The following MED12L variants were observed in gnomAD, a reference collection of about 807,000 sequenced individuals.
MED12L encodes the protein mediator complex subunit 12L.
MED12L carries 60 observed loss-of-function variants against 281.3 expected under a neutral mutation model. The ratio of observed to expected loss-of-function variants is 0.21; its 90% CI spans 0.17 to 0.26. The LOEUF (loss-of-function observed/expected upper bound fraction) is 0.26, where lower values mean the gene tolerates loss of function less well. Among genes scored for constraint, MED12L ranks in the 10% least tolerant of loss-of-function variants. The pLI is 1.00. For missense variants in MED12L, 2,146 were observed against 2,680.9 expected, an observed-to-expected ratio of 0.80 and a Z score of 4.41; for synonymous variants, 974 against 987.2, an observed-to-expected ratio of 0.99 and a Z score of 0.25.
chr3:151,375,082 G>A (rs1756665641), intron 27 of MED12L, among the ~76,000 whole-genome samples: 2 of 152,232 alleles, frequency 1.3e-5, no homozygotes, highest in African/African-American at 2.4e-5. Context: ...AGGCAATTGT[G>A]TGTTGGTTCC....
intron 17 of MED12L, among the ~76,000 whole-genome samples, chr3:151,352,798 T>C (rs1480447540): frequency 2.6e-5 from 4 of 152,132 alleles, no homozygotes; most frequent in Non-Finnish European, 5.9e-5. Context: ...CTTTTGAAAA[T>C]ATTAGTGAAG....
chr3:151,335,232 C>A (rs1368398273), intron 16 of MED12L, among the ~76,000 whole-genome samples: 1 of 152,148 alleles, frequency 6.6e-6, no homozygotes, highest in Non-Finnish European at 1.5e-5. Flanking sequence ...TTCCTTCTCA[C>A]TAACTGTATT....
At chr3:151,121,664 T>G (rs1713774905) in intron 3 of MED12L, among the ~76,000 whole-genome samples, 1 of 152,296 alleles carries the variant, frequency 6.6e-6, no homozygotes, top group African/African-American at 2.4e-5. Context: ...TTTGATAGGA[T>G]TCTTGAAAAA....
In MED12L at chr3:151,156,350, C is replaced by T; in HGVS notation, c.726+20C>T. 1 of 1,584,208 alleles carries T rather than the reference C, an allele frequency of 6.3e-7. No homozygotes were observed. The highest frequency in any genetic ancestry group is 8.6e-7 in the Non-Finnish European group (1 of 1,165,222). On this transcript the variant is annotated intron_variant, in intron 6 of 44. Coordinates refer to ENST00000687756, the MANE Select transcript of MED12L (RefSeq NM_001393769.1). ...TTCCAGGTAACCTTTTGAAGACATG[C>T]AGAGTTGTGTGCAATGCTTTTAAGA...
intron 5 of MED12L, among the ~76,000 whole-genome samples, chr3:151,137,972 A>G (rs537953428): frequency 7.2e-5 from 11 of 152,172 alleles, no homozygotes; most frequent in Admixed American, 2.0e-4. Flanking sequence ...AGTCAAAACT[A>G]TATAAAGATG....
chr3:151,116,370 C>T lies in MED12L; in HGVS notation c.132C>T (p.Gly44=), dbSNP rs766789973. Residue 44 remains glycine (G), a synonymous_variant, in exon 3 of 45, where the codon GGC becomes GGT. Coordinates refer to ENST00000687756, the MANE Select transcript of MED12L (RefSeq NM_001393769.1). ...DELTAVNVKQ[G]FNNQPAFTGD... is the part of the protein sequence containing the mutation. Reference sequence around the variant, plus strand: ...TTACTGCTGTGAATGTAAAGCAAGGCTTCAATAATCAGCCAGCCTTCACTG... The same window carrying T: ...TTACTGCTGTGAATGTAAAGCAAGGTTTCAATAATCAGCCAGCCTTCACTG... The T allele has an allele frequency of 3.1e-5, 50 of 1,613,464 alleles. No homozygotes were observed. Among genetic ancestry groups the T allele is most frequent in the Non-Finnish European group, 4.0e-5 (47 of 1,179,648 alleles).
At chr3:151,321,714 T>C (rs1279433434) in intron 16 of MED12L, among the ~76,000 whole-genome samples, 1 of 152,240 alleles carries the variant, frequency 6.6e-6, no homozygotes. Context: ...GTTCACATGC[T>C]GAGTAAGTTA....
At chr3:151,423,855 C>CT (rs1718554006) in intron 43 of MED12L, among the ~76,000 whole-genome samples, 1 of 152,136 alleles carries the variant, frequency 6.6e-6, no homozygotes, top group Admixed American at 6.5e-5. Flanking sequence ...AAAAAATATG[C>CT]TAACAGAAAG....
chr3:151,357,201 C>A lies in MED12L; in HGVS notation c.2662-12C>A, dbSNP rs1407903672. 1 of 1,576,708 alleles carries A rather than the reference C, an allele frequency of 6.3e-7. No homozygotes were observed. Among genetic ancestry groups the A allele is most frequent in the East Asian group, 2.3e-5 (1 of 44,278 alleles). On this transcript the variant is annotated splice_polypyrimidine_tract_variant and intron_variant, in intron 19 of 44. Coordinates refer to ENST00000687756, the MANE Select transcript of MED12L (RefSeq NM_001393769.1). Reference sequence around the variant, plus strand: ...CACCTACATGTTTATTCAGTCTTTTCTCCTGTTACAGTTACTAAATGAACT... The same window carrying A: ...CACCTACATGTTTATTCAGTCTTTTATCCTGTTACAGTTACTAAATGAACT...
chr3:151,373,908 C>T (rs1577484082), intron 27 of MED12L, among the ~76,000 whole-genome samples: 1 of 152,112 alleles, frequency 6.6e-6, no homozygotes, highest in African/African-American at 2.4e-5. Context: ...TATGTATGCT[C>T]ATGGTTATGG....
chr3:151,429,890 T>G (rs189273191), intron 43 of MED12L, among the ~76,000 whole-genome samples: 49 of 152,340 alleles, frequency 3.2e-4, no homozygotes, highest in Admixed American at 2.5e-3. Flanking sequence ...TTCTCCCATT[T>G]GTGCAAGGCA....
At chr3:151,371,807 TATG>T (rs1756219865) in intron 26 of MED12L, among the ~76,000 whole-genome samples, 1 of 152,222 alleles carries the variant, frequency 6.6e-6, no homozygotes, top group Non-Finnish European at 1.5e-5. Context: ...ACTTTTAAAA[TATG>T]ATAGTTATTT....
intron 16 of MED12L, among the ~76,000 whole-genome samples, chr3:151,209,584 A>G (rs143005984): frequency 9.9e-5 from 15 of 152,254 alleles, no homozygotes; most frequent in African/African-American, 3.6e-4. Context: ...ACAAACCCTC[A>G]CAGTGCTGCT....
At chr3:151,251,840 T>C (rs1208109530) in intron 16 of MED12L, among the ~76,000 whole-genome samples, 5 of 152,208 alleles carry the variant, frequency 3.3e-5, no homozygotes. Flanking sequence ...TGCTTCTCAG[T>C]CTTTATTATA....
intron 8 of MED12L, among the ~76,000 whole-genome samples, chr3:151,161,558 G>C (rs1446636687): frequency 6.6e-6 from 1 of 152,122 alleles, no homozygotes; most frequent in Non-Finnish European, 1.5e-5. Context: ...AAGATGATGA[G>C]AATAACAGTA....
chr3:151,317,473 C>T (rs74318563), intron 16 of MED12L, among the ~76,000 whole-genome samples: 5,568 of 37,386 alleles, frequency 0.15, 145 homozygotes, highest in East Asian at 0.33. Flanking sequence ...TTTTGTGAGA[C>T]GGAGTCTCAC....
At chr3:151,334,777 G>A (rs903638149) in intron 16 of MED12L, among the ~76,000 whole-genome samples, 25 of 152,262 alleles carry the variant, frequency 1.6e-4, no homozygotes, top group Admixed American at 1.3e-3. Flanking sequence ...TGGGATTACA[G>A]GTGTGAGCCA....
chr3:151,293,706 G>A lies in MED12L; in HGVS notation c.2251-56353G>A, dbSNP rs990870315. On this transcript the variant is annotated intron_variant, in intron 16 of 44. Transcript: ENST00000687756. ...TCTACCTTCATTTCTATAGTGTTGA[G>A]TAAAGGAAAAAATAATTTTAAAAAA... Among the ~76,000 whole-genome samples the A allele has an allele frequency of 3.3e-5, 5 of 150,172 alleles. No individual in the cohort carries two copies. In the South Asian group the frequency reaches 1.0e-3, roughly 31 times the overall value.
In MED12L at chr3:151,169,862, G is replaced by C. The variant is rs184409736; in HGVS notation, c.1494+3880G>C. 2.5e-4 allele frequency among the ~76,000 whole-genome samples: 38 copies of C among 152,318 alleles called. No homozygotes were observed. The East Asian group carries it at 6.0e-3, about 24-fold the overall frequency. On this transcript the variant is annotated intron_variant, in intron 11 of 44. Transcript: ENST00000687756. ...CTTCTGTAGTTGCAATAGGTTGGAGGTTTGCTGTTACTAGAAGTCGTGTCT... is the reference window on the plus strand; with the variant it reads ...CTTCTGTAGTTGCAATAGGTTGGAGCTTTGCTGTTACTAGAAGTCGTGTCT...
Sources: gnomAD v4.1 joint callset for allele counts (sites outside exome capture counted in the v4.1 genomes callset) on GRCh38, gnomAD v4.1.1 for gene constraint, MANE v1.5 for transcripts, NCBI Gene and HGNC (gene_info 2026-07-23, HGNC 2026-07-21) for gene names.